The following DDIAS variants were observed in gnomAD, a reference collection of about 807,000 sequenced individuals.
DDIAS encodes DNA damage-induced apoptosis suppressor protein.
DDIAS carries 14 observed loss-of-function variants against 15.7 expected under a neutral mutation model. The ratio of observed to expected loss-of-function variants is 0.89; its 90% confidence interval spans 0.59 to 1.39. The LOEUF (loss-of-function observed/expected upper bound fraction) is 1.39. Among genes scored for constraint, DDIAS ranks in the 40% most tolerant of loss-of-function variants. The probability of loss-of-function intolerance (pLI) is 0.00; values close to 1 mark genes in which losing one functional copy is unlikely to be tolerated. For missense variants in DDIAS, 1,035 were observed against 1,130.9 expected (o/e 0.92, Z 1.22); for synonymous variants, 355 against 395.9 (o/e 0.90, Z 1.23).
Position 82,933,277 on chromosome 11 carries a change from A to C in DDIAS, c.1939A>C (p.Asn647His), listed in dbSNP as rs1013380904. The change falls in exon 6 of 6, where the codon AAT (asparagine) becomes CAT (histidine). Residue 647 changes from asparagine (N) to histidine (H), a missense_variant. Transcript: ENST00000533655. ...TLCNSPNRST[N>H]TLKEMPWGHI... ...TTGCAATAGTCCAAATAGAAGTACAAATACATTGAAAGAAATGCCTTGGGG... is the reference window on the plus strand; with the variant it reads ...TTGCAATAGTCCAAATAGAAGTACACATACATTGAAAGAAATGCCTTGGGG... 6.2e-7 allele frequency: 1 copy of C among 1,613,570 alleles called. No homozygotes were observed. The highest frequency in any genetic ancestry group is 2.2e-5 in the East Asian group (1 of 44,866).
intron 1 of DDIAS, among the ~76,000 whole-genome samples, chr11:82,910,671 A>AGTGCC (rs1860516758): frequency 7.5e-6 from 1 of 133,620 alleles, no homozygotes; most frequent in South Asian, 2.4e-4. Context: ...GCTGGAGTGC[A>AGTGCC]GTGCCATGAA....
At chr11:82,928,239 C>G (rs1187361881) in intron 3 of DDIAS, among the ~76,000 whole-genome samples, 3 of 116,210 alleles carry the variant, frequency 2.6e-5, no homozygotes, top group Non-Finnish European at 4.8e-5. Context: ...CACTCTGCCC[C>G]CCAGGCTGTA....
At chr11:82,913,025 T>A (rs939966771) in intron 1 of DDIAS, among the ~76,000 whole-genome samples, 3 of 152,120 alleles carry the variant, frequency 2.0e-5, no homozygotes, top group African/African-American at 7.2e-5. Context: ...AATAGTAACA[T>A]CAAACATCAC....
chr11:82,928,639 AAG>A, intron 3 of DDIAS, 136 bp from the exon 4 acceptor site: 2 of 825,032 alleles, frequency 2.4e-6, no homozygotes, highest in Non-Finnish European at 3.7e-6. Flanking sequence ...GTTGATCTGA[AAG>A]AGTTTAAGAA....
In DDIAS at chr11:82,930,114, C is replaced by T. The variant is rs117847476; in HGVS notation, c.276-43C>T. ...TCTGACTTTATGGCAAGTAAAATTT[C>T]AAAGTTCATTGCTTCACATTTTTTA... On this transcript the variant is annotated intron_variant, in intron 4 of 5. Coordinates refer to ENST00000533655, the MANE Select transcript of DDIAS (RefSeq NM_145018.4). 7,967 of 1,170,440 alleles carry T rather than the reference C, an allele frequency of 6.8e-3. 47 individuals carry two copies. The highest frequency in any genetic ancestry group is 8.1e-3 in the Non-Finnish European group (6,595 of 814,104). 72.5% of individuals were successfully genotyped at this position (1,170,440 alleles called of 1,614,324 possible).
intron 3 of DDIAS, among the ~76,000 whole-genome samples, chr11:82,918,758 G>T (rs1252659186): frequency 2.0e-5 from 3 of 151,964 alleles, no homozygotes; most frequent in African/African-American, 7.3e-5. Context: ...GCAATGTTTT[G>T]TAGTTTTTCT....
Position 82,905,687 on chromosome 11 carries a change from G to T in DDIAS, c.-117+3865G>T, listed in dbSNP as rs184894918. Among the ~76,000 whole-genome samples the T allele has an allele frequency of 3.9e-3, 600 of 152,150 alleles. 8 individuals carry two copies. The highest frequency in any genetic ancestry group is 0.013 in the African/African-American group (558 of 41,488). ...TTTTTGTGTGATTATTTTAATGTCT[G>T]TCTCTTACACTAGACTGTAAGTCTA... On this transcript the variant is annotated intron_variant, in intron 1 of 5. Coordinates refer to ENST00000533655, the MANE Select transcript of DDIAS (RefSeq NM_145018.4).
chr11:82,928,001 C>G (rs1860897593), intron 3 of DDIAS, among the ~76,000 whole-genome samples: 1 of 151,934 alleles, frequency 6.6e-6, no homozygotes, highest in Non-Finnish European at 1.5e-5. Context: ...CCATTACATA[C>G]TGTCTTAAAA....
intron 1 of DDIAS, among the ~76,000 whole-genome samples, chr11:82,902,312 T>C (rs1006948088): frequency 6.6e-6 from 1 of 152,152 alleles, no homozygotes; most frequent in African/African-American, 2.4e-5. Flanking sequence ...ATCTCAGATC[T>C]GTTCACTTCT....
chr11:82,905,374 AT>A (rs564718017), intron 1 of DDIAS, among the ~76,000 whole-genome samples: 16 of 151,880 alleles, frequency 1.1e-4, no homozygotes, highest in Admixed American at 2.6e-4. Context: ...GTATTTATTG[AT>A]TTTTTTCTAA....
At chr11:82,915,320 GCAAGCCAACTATAC>G (rs1860610641) in intron 3 of DDIAS, among the ~76,000 whole-genome samples, 1 of 152,230 alleles carries the variant, frequency 6.6e-6, no homozygotes, top group African/African-American at 2.4e-5. Flanking sequence ...GTGCTCAGAT[GCAAGCCAACTATAC>G]CTGAGAGCCT....
At chr11:82,910,279 C>CTT (rs71063240) in intron 1 of DDIAS, among the ~76,000 whole-genome samples, 28 of 129,850 alleles carry the variant, frequency 2.2e-4, no homozygotes, top group South Asian at 4.8e-4. Flanking sequence ...ACAAACCAAC[C>CTT]TTTTTTTTTT....
chr11:82,916,046 T>C (rs1012457666), intron 3 of DDIAS, among the ~76,000 whole-genome samples: 1 of 152,328 alleles, frequency 6.6e-6, no homozygotes, highest in South Asian at 2.1e-4. Context: ...TAACATTAAA[T>C]GAGGACTTAC....
chr11:82,902,427 A>G (rs1860339411), intron 1 of DDIAS, among the ~76,000 whole-genome samples: 2 of 141,592 alleles, frequency 1.4e-5, no homozygotes, highest in East Asian at 4.1e-4. Context: ...TCCTGCTTTC[A>G]ATCTTGCTAC....
At chr11:82,903,528 G>T (rs1469323278) in intron 1 of DDIAS, among the ~76,000 whole-genome samples, 1 of 152,138 alleles carries the variant, frequency 6.6e-6, no homozygotes, top group African/African-American at 2.4e-5. Context: ...TGTTTTTAAA[G>T]CATTTTTCAT....
intron 1 of DDIAS, among the ~76,000 whole-genome samples, chr11:82,910,599 T>C (rs1451104160): frequency 2.4e-5 from 3 of 125,002 alleles, no homozygotes; most frequent in Admixed American, 1.8e-4. Context: ...TTTTTCTCTC[T>C]CTCTCTCTTT....
intron 5 of DDIAS, 111 bp from the exon 6 acceptor site, chr11:82,931,621 A>C: frequency 1.1e-6 from 1 of 943,910 alleles, no homozygotes; most frequent in Non-Finnish European, 1.6e-6. Context: ...GGCCTCTCAA[A>C]GTGCTGGGAT....
rs562175717 is a variant in DDIAS at position 82,925,876 on chromosome 11, TA to T, written c.114-2899del. On this transcript the variant is annotated intron_variant, in intron 3 of 5. Coordinates refer to ENST00000533655, the MANE Select transcript of DDIAS (RefSeq NM_145018.4). ...GGTGGCGGGCACCTGTAGTCCCAGC[TA>T]ATCGGGAGGCTGAGGCAGGAGAATC... is the stretch of plus-strand genomic sequence containing the variant. Among the ~76,000 whole-genome samples the T allele has an allele frequency of 5.9e-3, 890 of 151,570 alleles. 4 individuals are homozygous for T. The highest frequency in any genetic ancestry group is 9.4e-3 in the Non-Finnish European group (638 of 67,942).
Position 82,933,752 on chromosome 11 carries a change from A to G in DDIAS, c.2414A>G (p.Tyr805Cys), listed in dbSNP as rs1861056137. ...TTTTATTCAGATCTTGATGGTAACTATGAAAAAATAAGGATTTTCCCTGAA... is the reference window on the plus strand; with the variant it reads ...TTTTATTCAGATCTTGATGGTAACTGTGAAAAAATAAGGATTTTCCCTGAA... ...PVFYSDLDGN[Y>C]EKIRIFPEND... Residue 805 changes from tyrosine to cysteine, a missense_variant, in exon 6 of 6, where the codon TAT becomes TGT. Tyr to Cys is a radical substitution (Grantham distance 194). Coordinates refer to ENST00000533655, the MANE Select transcript of DDIAS (RefSeq NM_145018.4). 9 of 1,610,848 alleles carry G rather than the reference A, an allele frequency of 5.6e-6. No individual in the cohort carries two copies. Among genetic ancestry groups the G allele is most frequent in the South Asian group, 2.2e-5 (2 of 90,080 alleles).
Sources: allele counts gnomAD v4.1 joint callset (sites outside exome capture counted in the v4.1 genomes callset), GRCh38; gene constraint gnomAD v4.1.1; transcripts MANE v1.5; gene names NCBI Gene and HGNC (gene_info 2026-07-23, HGNC 2026-07-21).